The following MSRA variants were observed in gnomAD, a reference collection of about 807,000 sequenced individuals.
The protein encoded by MSRA is methionine sulfoxide reductase A, also known as mitochondrial peptide methionine sulfoxide reductase.
In MSRA, 54 loss-of-function variants were observed where a neutral mutation model predicts 31.3. That is an observed-to-expected ratio of 1.73 (90% confidence interval 1.39 to 2.17). MSRA has a LOEUF of 2.17. Among genes scored for constraint, MSRA ranks in the 30% most tolerant of loss-of-function variants. The pLI, the probability that MSRA is intolerant of heterozygous loss-of-function variation, is 0.00. For missense variants in MSRA, 507 were observed against 300.9 expected, an observed-to-expected ratio of 1.69 and a Z score of -5.07; for synonymous variants, 169 against 116.5, an observed-to-expected ratio of 1.45 and a Z score of -2.90.
intron 5 of MSRA, among the ~76,000 whole-genome samples, chr8:10,407,216 A>G (rs1807874694): frequency 6.6e-6 from 1 of 152,222 alleles, no homozygotes; most frequent in African/African-American, 2.4e-5. Flanking sequence ...TGCAAATGTG[A>G]TGAACAAGAA....
chr8:10,323,133 G>C (rs997035656), intron 5 of MSRA, among the ~76,000 whole-genome samples: 1 of 149,044 alleles, frequency 6.7e-6, no homozygotes, highest in Non-Finnish European at 1.5e-5. Context: ...CTTAGTACCC[G>C]AGGAACTGAT....
chr8:10,417,372 G>A (rs942653127), intron 5 of MSRA, among the ~76,000 whole-genome samples: 1 of 151,260 alleles, frequency 6.6e-6, no homozygotes, highest in Non-Finnish European at 1.5e-5. Context: ...CTGTTGCTCC[G>A]GGGTCCTCTT....
intron 3 of MSRA, among the ~76,000 whole-genome samples, chr8:10,283,822 T>TAC (rs1362278035): frequency 5.5e-5 from 4 of 72,282 alleles, no homozygotes; most frequent in East Asian, 5.4e-4. Flanking sequence ...TATATATATA[T>TAC]ATATATATAT....
chr8:10,416,094 C>T (rs1323178808), intron 5 of MSRA, among the ~76,000 whole-genome samples: 1 of 152,110 alleles, frequency 6.6e-6, no homozygotes, highest in Non-Finnish European at 1.5e-5. Flanking sequence ...GAGCCTGCTT[C>T]CCCAGCACCT....
intron 1 of MSRA, among the ~76,000 whole-genome samples, chr8:10,127,629 A>G (rs1290960402): frequency 2.0e-5 from 3 of 152,198 alleles, no homozygotes; most frequent in Non-Finnish European, 4.4e-5. Context: ...ACTATTTAAC[A>G]TCCAATCCAT....
chr8:10,389,893 G>A (rs145697451), intron 5 of MSRA, among the ~76,000 whole-genome samples: 3 of 149,870 alleles, frequency 2.0e-5, no homozygotes, highest in African/African-American at 7.4e-5. Context: ...TCACAGAATC[G>A]CCCATGGTGC....
chr8:10,391,697 C>T (rs551551640), intron 5 of MSRA, among the ~76,000 whole-genome samples: 103 of 152,288 alleles, frequency 6.8e-4, no homozygotes, highest in African/African-American at 2.2e-3. Flanking sequence ...TACACGAGCA[C>T]GCCTAACAGC....
chr8:10,386,454 C>T (rs1806398099), intron 5 of MSRA, among the ~76,000 whole-genome samples: 1 of 152,192 alleles, frequency 6.6e-6, no homozygotes, highest in Admixed American at 6.5e-5. Context: ...GCATCATTGA[C>T]ATCATAGACA....
At chr8:10,312,154 T>C (rs1415252187) in intron 4 of MSRA, among the ~76,000 whole-genome samples, 1 of 151,464 alleles carries the variant, frequency 6.6e-6, no homozygotes, top group African/African-American at 2.4e-5. Context: ...CCAAACAGTA[T>C]AAAATAAATA....
intron 5 of MSRA, among the ~76,000 whole-genome samples, chr8:10,417,330 G>A (rs1260769619): frequency 6.6e-6 from 1 of 151,854 alleles, no homozygotes; most frequent in South Asian, 2.1e-4. Flanking sequence ...TGACTCACAG[G>A]GGCAATTCCA....
At chr8:10,253,845 G>A (rs1798040074) in intron 3 of MSRA, among the ~76,000 whole-genome samples, 1 of 152,022 alleles carries the variant, frequency 6.6e-6, no homozygotes, top group African/African-American at 2.4e-5. Flanking sequence ...TAGAATAAAG[G>A]TTTCTTTTTT....
chr8:10,217,600 C>T (rs1810106840), intron 2 of MSRA, among the ~76,000 whole-genome samples: 1 of 152,142 alleles, frequency 6.6e-6, no homozygotes, highest in African/African-American at 2.4e-5. Context: ...GCTCAGCTTC[C>T]ACAGGTCTCA....
At chr8:10,387,336 C>A (rs1211736311) in intron 5 of MSRA, among the ~76,000 whole-genome samples, 1 of 152,114 alleles carries the variant, frequency 6.6e-6, no homozygotes, top group Non-Finnish European at 1.5e-5. Flanking sequence ...TTTTTTCCCC[C>A]TTGAAGGTTT....
Position 10,054,565 on chromosome 8 carries a change from C to G in MSRA, c.49C>G (p.Leu17Val), listed in dbSNP as rs561263885. Residue 17 changes from leucine (L) to valine (V), a missense_variant, in exon 1 of 6, where the codon CTC (leucine) becomes GTC (valine). Physicochemically the swap from Leu to Val is conservative, Grantham distance 32 (BLOSUM62 1). Transcript: ENST00000317173. ...TTGCCAGCTCCTCCTCCTCCACAGC[C>G]TCTTTCCCGTCCCGAGGATGGGCAA... ...RACQLLLLHS[L>V]FPVPRMGNSA... is the part of the protein sequence containing the mutation. 15 of 1,587,822 alleles carry G rather than the reference C, an allele frequency of 9.4e-6. No individual in the cohort carries two copies. The East Asian group carries it at 9.7e-5, about 10-fold the overall frequency.
intron 1 of MSRA, among the ~76,000 whole-genome samples, chr8:10,151,093 G>T: frequency 6.6e-6 from 1 of 151,644 alleles, no homozygotes; most frequent in Non-Finnish European, 1.5e-5. Flanking sequence ...AAAGGAGGAG[G>T]TTAGGGGAGG....
intron 1 of MSRA, among the ~76,000 whole-genome samples, chr8:10,100,134 A>G (rs991093525): frequency 1.8e-4 from 27 of 152,306 alleles, no homozygotes; most frequent in Non-Finnish European, 2.2e-4. Flanking sequence ...TTAGACTGCA[A>G]TATCAGCAAC....
intron 5 of MSRA, among the ~76,000 whole-genome samples, chr8:10,334,642 G>A (rs774968621): frequency 6.6e-6 from 1 of 152,298 alleles, no homozygotes; most frequent in East Asian, 1.9e-4. Flanking sequence ...TTCATTTAAC[G>A]CTTCCAGAGA....
At chr8:10,127,207 T>A (rs1161770088) in intron 1 of MSRA, among the ~76,000 whole-genome samples, 2 of 152,244 alleles carry the variant, frequency 1.3e-5, no homozygotes, top group African/African-American at 4.8e-5. Flanking sequence ...TTTCTTAATT[T>A]TTGCCAAGTG....
At chr8:10,346,784 G>A (rs1803805192) in intron 5 of MSRA, among the ~76,000 whole-genome samples, 1 of 152,176 alleles carries the variant, frequency 6.6e-6, no homozygotes, top group African/African-American at 2.4e-5. Context: ...AAACTGTCAG[G>A]GAAATTAATC....
Sources: allele counts gnomAD v4.1 joint callset (sites outside exome capture counted in the v4.1 genomes callset), GRCh38; gene constraint gnomAD v4.1.1; transcripts MANE v1.5; gene names NCBI Gene and HGNC (gene_info 2026-07-23, HGNC 2026-07-21).